Variants in C11orf65 observed in about 807,000 individuals in gnomAD.
C11orf65 encodes protein MFI.
C11orf65 carries 38 observed loss-of-function variants against 35.3 expected under a neutral mutation model. The observed-to-expected ratio is 1.08, with a 90% confidence interval of 0.83 to 1.41. The LOEUF is 1.41. Among genes scored for constraint, C11orf65 ranks in the 40% most tolerant of loss-of-function variants. The pLI, the probability that C11orf65 is intolerant of heterozygous loss-of-function variation, is 0.00. For missense variants in C11orf65, 370 were observed against 367.1 expected, an observed-to-expected ratio of 1.01 and a Z score of -0.06; for synonymous variants, 105 against 114.4, an observed-to-expected ratio of 0.92 and a Z score of 0.53.
chr11:108,461,974 TTAAA>T (rs1489374267), intron 1 of C11orf65, among the ~76,000 whole-genome samples: 11 of 152,056 alleles, frequency 7.2e-5, no homozygotes, highest in Admixed American at 6.6e-4. Context: ...TCAATGAAAA[TTAAA>T]TAGAGTTGTA....
chr11:108,424,550 C>T (rs2092871372), intron 3 of C11orf65, among the ~76,000 whole-genome samples: 1 of 152,106 alleles, frequency 6.6e-6, no homozygotes, highest in Admixed American at 6.6e-5. Flanking sequence ...TAGACTCCCA[C>T]ACAATAATTA....
intron 3 of C11orf65, among the ~76,000 whole-genome samples, chr11:108,419,247 T>A (rs1179249416): frequency 6.6e-6 from 1 of 152,236 alleles, no homozygotes; most frequent in Non-Finnish European, 1.5e-5. Context: ...AATTCAGTGA[T>A]ATTTTAAAGG....
intron 3 of C11orf65, among the ~76,000 whole-genome samples, chr11:108,417,887 G>C (rs902846325): frequency 6.6e-6 from 1 of 150,998 alleles, no homozygotes; most frequent in Admixed American, 6.6e-5. Flanking sequence ...TGCACATTCT[G>C]CACAAGTATC....
chr11:108,372,535 T>C (rs966452532), intron 2 of C11orf65, among the ~76,000 whole-genome samples: 4 of 152,174 alleles, frequency 2.6e-5, no homozygotes, highest in African/African-American at 9.7e-5. Context: ...ATTTCCATGA[T>C]TATGAGAGTT....
intron 6 of C11orf65, among the ~76,000 whole-genome samples, chr11:108,311,068 A>G (rs1392654169): frequency 6.6e-6 from 1 of 152,186 alleles, no homozygotes; most frequent in Non-Finnish European, 1.5e-5. Context: ...TCCGGGCTCA[A>G]GTGATCCTCC....
chr11:108,461,007 G>C (rs866351838), intron 2 of C11orf65, among the ~76,000 whole-genome samples: 1 of 152,032 alleles, frequency 6.6e-6, no homozygotes, highest in African/African-American at 2.4e-5. Flanking sequence ...TTACAGTCGT[G>C]AGCCACCACG....
chr11:108,329,438 A>T (rs2086030465), downstream of C11orf65: 3 of 573,304 alleles, frequency 5.2e-6, no homozygotes, highest in African/African-American at 1.9e-5. Context: ...ACAAGGTCTC[A>T]CTCTGTCACC....
At chr11:108,336,011 A>G in intron 2 of C11orf65, 1 of 1,448,532 alleles carries the variant, frequency 6.9e-7, no homozygotes, top group Non-Finnish European at 9.7e-7. Context: ...AAAAGATGCC[A>G]TTTGGTTGGG....
At chr11:108,448,260 G>A (rs1312267266) in intron 2 of C11orf65, among the ~76,000 whole-genome samples, 1 of 152,174 alleles carries the variant, frequency 6.6e-6, no homozygotes, top group East Asian at 1.9e-4. Flanking sequence ...TAGAAAAAGA[G>A]GGAATCCTCC....
intron 2 of C11orf65, chr11:108,354,663 TCTGCCAAGTATTATG>T (rs1309534188): frequency 1.3e-6 from 1 of 763,906 alleles, no homozygotes; most frequent in Non-Finnish European, 2.3e-6. Flanking sequence ...GAAAGCCCAC[TCTGCCAAGTATTATG>T]CTATTTTGAG....
At chr11:108,465,213 G>C (rs12226046) in intron 1 of C11orf65, among the ~76,000 whole-genome samples, 42,880 of 151,992 alleles carry the variant, frequency 0.28, 7,252 homozygotes, top group Middle Eastern at 0.54. Context: ...CCAGTTTATT[G>C]AATACTTTGA....
chr11:108,407,382 G>T (rs1342950999), intron 3 of C11orf65, among the ~76,000 whole-genome samples: 1 of 151,916 alleles, frequency 6.6e-6, no homozygotes, highest in Non-Finnish European at 1.5e-5. Flanking sequence ...CATGATCTCA[G>T]CTCACTGCAG....
At chr11:108,425,709 G>A (rs2092891497) in intron 3 of C11orf65, among the ~76,000 whole-genome samples, 1 of 152,154 alleles carries the variant, frequency 6.6e-6, no homozygotes, top group African/African-American at 2.4e-5. Flanking sequence ...GAAAATTTCA[G>A]GCCAATATAC....
At chr11:108,377,743 G>A (rs2091766905) in intron 2 of C11orf65, among the ~76,000 whole-genome samples, 1 of 151,832 alleles carries the variant, frequency 6.6e-6, no homozygotes, top group Non-Finnish European at 1.5e-5. Context: ...CACTGTCTCA[G>A]CCCAAAATCT....
At chr11:108,376,771 G>T (rs946294691) in intron 2 of C11orf65, among the ~76,000 whole-genome samples, 1 of 151,938 alleles carries the variant, frequency 6.6e-6, no homozygotes, top group South Asian at 2.1e-4. Context: ...GAATCAAATA[G>T]ACACAATAAA....
intron 2 of C11orf65, chr11:108,365,674 G>T (rs1447463654): frequency 4.7e-6 from 4 of 851,322 alleles, no homozygotes; most frequent in Non-Finnish European, 7.1e-6. Context: ...ACTCAAAAAT[G>T]TTTTGATGGT....
At chr11:108,448,993 GACAA>G (rs2093308520) in intron 2 of C11orf65, among the ~76,000 whole-genome samples, 2 of 152,026 alleles carry the variant, frequency 1.3e-5, no homozygotes, top group Non-Finnish European at 2.9e-5. Flanking sequence ...ACCAATAACA[GACAA>G]ACAGAGAGCC....
chr11:108,331,039 A>G (rs2086186019), downstream of C11orf65, among the ~76,000 whole-genome samples: 1 of 152,168 alleles, frequency 6.6e-6, no homozygotes, highest in Non-Finnish European at 1.5e-5. Context: ...AGATACAGTC[A>G]ATCTCTGCTG....
chr11:108,383,024 T>C lies in C11orf65; in HGVS notation c.939A>G (p.Leu313=). ...TRLTPDSTYG[L] is the part of the protein sequence containing the mutation. ...CTCAGAATAGAAATAAAGTACTTTA[T>C]AGTCCATAAGTAGAATCAGGCGTTA... The change falls in exon 9 of 9, where the codon CTA becomes CTG. Residue 313 remains leucine, a synonymous_variant. Transcript: ENST00000393084. 1.2e-6 allele frequency: 2 copies of C among 1,611,188 alleles called. No individual in the cohort carries two copies. Among genetic ancestry groups the C allele is most frequent in the African/African-American group, 1.3e-5 (1 of 74,894 alleles).
Sources: allele counts gnomAD v4.1 joint callset (sites outside exome capture counted in the v4.1 genomes callset), GRCh38; gene constraint gnomAD v4.1.1; transcripts MANE v1.5; gene names NCBI Gene and HGNC (gene_info 2026-07-23, HGNC 2026-07-21).